Variants in JAZF1 observed in about 807,000 individuals in gnomAD.
JAZF1 encodes JAZF zinc finger 1.
Under a neutral mutation model 26.4 loss-of-function variants are expected in JAZF1, and 8 were observed. That is an observed-to-expected ratio of 0.30 (90% CI 0.18 to 0.55). JAZF1 has a LOEUF of 0.55. Ranked by LOEUF, JAZF1 falls within the 20% of genes least tolerant of loss-of-function variation. JAZF1 has a pLI of 0.94. For synonymous variants in JAZF1, 126 were observed against 122.3 expected, an observed-to-expected ratio of 1.03 and a Z score of -0.20; for missense variants, 199 against 322.0, an observed-to-expected ratio of 0.62 and a Z score of 2.92.
At chr7:28,067,268 T>A (rs567481299) in intron 1 of JAZF1, among the ~76,000 whole-genome samples, 1 of 152,350 alleles carries the variant, frequency 6.6e-6, no homozygotes, top group South Asian at 2.1e-4. Flanking sequence ...TCCATCAGTG[T>A]TGTGAGGGGG....
At chr7:27,880,014 G>A (rs574777030) in intron 3 of JAZF1, among the ~76,000 whole-genome samples, 1 of 152,298 alleles carries the variant, frequency 6.6e-6, no homozygotes, top group Non-Finnish European at 1.5e-5. Flanking sequence ...CTAGGAGGCT[G>A]TTAGATGCTA....
In JAZF1 at chr7:27,939,956, A is replaced by G. The variant is rs543676368; in HGVS notation, c.189-44540T>C. Reference sequence around the variant, plus strand: ...CGCTTGCTAACAGTGGTTGAAAACCATTCCACGGCTGCCGTGGCCAGTGAG... The same window carrying G: ...CGCTTGCTAACAGTGGTTGAAAACCGTTCCACGGCTGCCGTGGCCAGTGAG... On this transcript the variant is annotated intron_variant, in intron 2 of 4. Transcript: ENST00000283928. Among the ~76,000 whole-genome samples the G allele has an allele frequency of 3.9e-5, 6 of 152,284 alleles. No individual in the cohort carries two copies. In the South Asian group the frequency reaches 1.2e-3, roughly 32 times the overall value.
chr7:27,873,123 C>A (rs1444057669), intron 3 of JAZF1, among the ~76,000 whole-genome samples: 1 of 152,172 alleles, frequency 6.6e-6, no homozygotes, highest in Non-Finnish European at 1.5e-5. Context: ...AAAGCTTCCA[C>A]ATCAAGTCAT....
chr7:28,004,879 C>T (rs1017351441), intron 1 of JAZF1, among the ~76,000 whole-genome samples: 1 of 152,150 alleles, frequency 6.6e-6, no homozygotes, highest in Non-Finnish European at 1.5e-5. Flanking sequence ...TCTCGAACTC[C>T]TGACTTCAAG....
chr7:28,034,034 C>G (rs550923136), intron 1 of JAZF1, among the ~76,000 whole-genome samples: 1 of 152,198 alleles, frequency 6.6e-6, no homozygotes, highest in Non-Finnish European at 1.5e-5. Flanking sequence ...TGAATCATCA[C>G]ACCCAGCTGG....
chr7:27,948,074 C>A (rs1159006413), intron 2 of JAZF1, among the ~76,000 whole-genome samples: 1 of 152,246 alleles, frequency 6.6e-6, no homozygotes, highest in Admixed American at 6.5e-5. Flanking sequence ...ATGTGCCATA[C>A]CAGGCCACTG....
intron 2 of JAZF1, among the ~76,000 whole-genome samples, chr7:27,970,174 C>T (rs1380617632): frequency 6.6e-6 from 1 of 152,142 alleles, no homozygotes; most frequent in East Asian, 1.9e-4. Flanking sequence ...ACTGCTTCTG[C>T]TATGACTTAC....
intron 2 of JAZF1, among the ~76,000 whole-genome samples, chr7:27,916,858 CTG>C (rs1784449867): frequency 6.6e-6 from 1 of 152,230 alleles, no homozygotes; most frequent in African/African-American, 2.4e-5. Flanking sequence ...CGGTGAGTGA[CTG>C]TGAAAGCACC....
Position 27,916,806 on chromosome 7 carries a change from T to C in JAZF1, c.189-21390A>G, listed in dbSNP as rs555135728. Among the ~76,000 whole-genome samples, 11 of 152,358 alleles carry C rather than the reference T, an allele frequency of 7.2e-5. No individual in the cohort carries two copies. The East Asian group carries it at 2.1e-3, about 29-fold the overall frequency. ...CTTCGCTCAGCCTCAGCTGGGAACGTGTGCACTGGTCAACTCAAAAATCCC... is the reference window on the plus strand; with the variant it reads ...CTTCGCTCAGCCTCAGCTGGGAACGCGTGCACTGGTCAACTCAAAAATCCC... On this transcript the variant is annotated intron_variant, in intron 2 of 4. Transcript: ENST00000283928.
In JAZF1 at chr7:27,977,854, C is replaced by A. The variant is rs1336560524; in HGVS notation, c.188+14055G>T. Among the ~76,000 whole-genome samples, 3 of 152,202 alleles carry A rather than the reference C, an allele frequency of 2.0e-5. No individual in the cohort carries two copies. The East Asian group carries it at 5.8e-4, about 29-fold the overall frequency. On this transcript the variant is annotated intron_variant, in intron 2 of 4. Coordinates refer to ENST00000283928, the MANE Select transcript of JAZF1 (RefSeq NM_175061.4). ...TCCATTGCAGTAAGGACATTGTCCT[C>A]AGACAGCGAGGGCCAGGTAGGTGAT...
chr7:28,088,586 T>C (rs1784244604), intron 1 of JAZF1, among the ~76,000 whole-genome samples: 1 of 152,186 alleles, frequency 6.6e-6, no homozygotes, highest in Admixed American at 6.5e-5. Context: ...TGTGATGAAG[T>C]GTAGCTAGGT....
chr7:27,840,049 C>T lies in JAZF1; in HGVS notation c.555+649G>A, dbSNP rs566383595. Among the ~76,000 whole-genome samples, 1 of 152,268 alleles carries T rather than the reference C, an allele frequency of 6.6e-6. No homozygotes were observed. The highest frequency in any genetic ancestry group is 2.4e-5 in the African/African-American group (1 of 41,548). On this transcript the variant is annotated intron_variant, in intron 4 of 4. Transcript: ENST00000283928. The surrounding 1 kb of genome is among the most constrained non-coding windows in gnomAD (Gnocchi z 5.1). Reference sequence around the variant, plus strand: ...GTTTCTCGTTGTTTTGTCCCTGTTCCTTATTAGAAAAGTTAGCACCCCCAG... The same window carrying T: ...GTTTCTCGTTGTTTTGTCCCTGTTCTTTATTAGAAAAGTTAGCACCCCCAG...
intron 3 of JAZF1, among the ~76,000 whole-genome samples, chr7:27,880,501 C>T (rs1013582957): frequency 6.6e-6 from 1 of 151,888 alleles, no homozygotes; most frequent in East Asian, 2.0e-4. Flanking sequence ...GGCGCGGTGG[C>T]GGGTGCCTGT....
intron 1 of JAZF1, among the ~76,000 whole-genome samples, chr7:28,048,160 CT>C (rs1312805049): frequency 3.3e-5 from 5 of 152,026 alleles, no homozygotes; most frequent in African/African-American, 1.2e-4. Context: ...TCATATGTTC[CT>C]TTTTGAGTCA....
At chr7:27,938,982 C>G (rs988824555) in intron 2 of JAZF1, among the ~76,000 whole-genome samples, 1 of 152,106 alleles carries the variant, frequency 6.6e-6, no homozygotes, top group African/African-American at 2.4e-5. Context: ...CTGATTTCTG[C>G]CCCCTTCAGG....
intron 3 of JAZF1, among the ~76,000 whole-genome samples, chr7:27,859,661 T>G (rs1282035599): frequency 6.6e-6 from 1 of 150,586 alleles, no homozygotes; most frequent in South Asian, 2.1e-4. Flanking sequence ...TAAGTGGGAG[T>G]TGAACAATGA....
intron 1 of JAZF1, among the ~76,000 whole-genome samples, chr7:28,024,155 A>G (rs1241989035): frequency 2.6e-5 from 4 of 151,922 alleles, no homozygotes; most frequent in African/African-American, 9.7e-5. Flanking sequence ...TTAAAAATGA[A>G]TATGGTGGCA....
chr7:27,904,363 T>C (rs1335414719), intron 2 of JAZF1, among the ~76,000 whole-genome samples: 1 of 152,206 alleles, frequency 6.6e-6, no homozygotes, highest in Non-Finnish European at 1.5e-5. Flanking sequence ...ATAGTGAAGC[T>C]AAAGGCGTAT....
intron 1 of JAZF1, among the ~76,000 whole-genome samples, chr7:28,072,069 A>C (rs1409519226): frequency 6.6e-6 from 1 of 152,224 alleles, no homozygotes; most frequent in African/African-American, 2.4e-5. Flanking sequence ...CAAAATGAAG[A>C]ACTTCTGAGA....
Sources: allele counts gnomAD v4.1 joint callset (sites outside exome capture counted in the v4.1 genomes callset), GRCh38; gene constraint gnomAD v4.1.1; non-coding constraint Gnocchi (gnomAD v3.1); transcripts MANE v1.5; gene names NCBI Gene and HGNC (gene_info 2026-07-23, HGNC 2026-07-21).